Variants in PLA2G7 observed in about 807,000 individuals in gnomAD.
The protein encoded by PLA2G7 is phospholipase A2 group VII, also known as platelet-activating factor acetylhydrolase.
PLA2G7 carries 63 observed loss-of-function variants against 49.6 expected under a neutral mutation model. That is an observed-to-expected ratio of 1.27 (90% CI 1.04 to 1.57). The LOEUF (loss-of-function observed/expected upper bound fraction) is 1.57. Ranked by LOEUF, PLA2G7 falls within the 40% of genes most tolerant of loss-of-function variation. The probability of loss-of-function intolerance (pLI) is 0.00; values close to 1 mark genes in which losing one functional copy is unlikely to be tolerated. For missense variants in PLA2G7, 596 were observed against 521.2 expected (o/e 1.14, Z -1.40); for synonymous variants, 193 against 169.9 (o/e 1.14, Z -1.06).
In PLA2G7 at chr6:46,722,833, T is replaced by A; in HGVS notation, c.59A>T (p.Tyr20Phe). Residue 20 changes from tyrosine (Y) to phenylalanine (F), a missense_variant, in exon 2 of 12, where the codon TAT becomes TTT. By Grantham distance (22) the Tyr-to-Phe change is conservative. Coordinates refer to ENST00000274793, the MANE Select transcript of PLA2G7 (RefSeq NM_005084.4). ...ATTTATGTATTGCCAGTCAAAAGGA[T>A]AAACCACAGCCAGGCAGCCGCAGAG... ...FCLCGCLAVV[Y>F]PFDWQYINPV... is the part of the protein sequence containing the mutation. 1 of 1,613,946 alleles carries A rather than the reference T, an allele frequency of 6.2e-7. No homozygotes were observed. Among genetic ancestry groups the A allele is most frequent in the Non-Finnish European group, 8.5e-7 (1 of 1,179,864 alleles).
chr6:46,714,804 C>T (rs1324409287), intron 4 of PLA2G7, among the ~76,000 whole-genome samples: 6 of 148,170 alleles, frequency 4.0e-5, no homozygotes, highest in African/African-American at 1.0e-4. Context: ...GGCACAATCT[C>T]GGCTCACTGC....
At chr6:46,709,571 A>G (rs1048517666) in intron 8 of PLA2G7, among the ~76,000 whole-genome samples, 153 bp from the exon 9 acceptor site, 1 of 152,244 alleles carries the variant, frequency 6.6e-6, no homozygotes, top group Non-Finnish European at 1.5e-5. Context: ...ACATTTATAC[A>G]TACCATACAC....
chr6:46,728,760 T>C (rs1765643908), intron 1 of PLA2G7, among the ~76,000 whole-genome samples: 1 of 152,228 alleles, frequency 6.6e-6, no homozygotes, highest in Non-Finnish European at 1.5e-5. Context: ...AGAGTAAGAG[T>C]AACTGGATCT....
rs200057649 is a variant in PLA2G7, at chr6:46,710,655, G to A, written c.667C>T (p.Arg223Trp). The A allele has an allele frequency of 6.6e-5, 106 of 1,597,026 alleles. No individual in the cohort carries two copies. Among genetic ancestry groups the A allele is most frequent in the East Asian group, 3.1e-4 (14 of 44,790 alleles). The change falls in exon 8 of 12, where the codon CGG becomes TGG. Residue 223 changes from arginine (R) to tryptophan (W), a missense_variant. Transcript: ENST00000274793. ...TGGGAACATTCTTTTGCTCTTTGCCGTACCTAATATAATTATTAGAAGAAG... is the reference window on the plus strand; with the variant it reads ...TGGGAACATTCTTTTGCTCTTTGCCATACCTAATATAATTATTAGAAGAAG... ...EETHIRNEQV[R>W]QRAKECSQAL...
intron 1 of PLA2G7, among the ~76,000 whole-genome samples, chr6:46,731,408 C>A (rs539799626): frequency 2.0e-5 from 3 of 152,214 alleles, no homozygotes; most frequent in Non-Finnish European, 4.4e-5. Context: ...TGCATGACCA[C>A]AGCCAGGACA....
chr6:46,730,504 G>C (rs1033585478), intron 1 of PLA2G7, among the ~76,000 whole-genome samples: 4 of 152,162 alleles, frequency 2.6e-5, no homozygotes, highest in Admixed American at 2.0e-4. Context: ...GGGCCAGACA[G>C]GTAATTTAAA....
At chr6:46,711,427 A>C (rs1174619823) in intron 7 of PLA2G7, 69 bp downstream of exon 7, 1 of 1,571,784 alleles carries the variant, frequency 6.4e-7, no homozygotes, top group Non-Finnish European at 8.8e-7. Context: ...GTAAAATTAA[A>C]TTAACAAATG....
At chr6:46,726,108 C>A (rs1433319860) in intron 1 of PLA2G7, among the ~76,000 whole-genome samples, 1 of 152,204 alleles carries the variant, frequency 6.6e-6, no homozygotes, top group Non-Finnish European at 1.5e-5. Context: ...TCTGTCTGTG[C>A]AGCATTCCTT....
intron 1 of PLA2G7, among the ~76,000 whole-genome samples, chr6:46,730,562 C>G (rs1181820781): frequency 2.0e-5 from 3 of 152,078 alleles, no homozygotes; most frequent in African/African-American, 7.2e-5. Context: ...CGTGAACTGT[C>G]CTTATTCTAT....
At chr6:46,726,608 C>T (rs905662432) in intron 1 of PLA2G7, among the ~76,000 whole-genome samples, 6 of 152,056 alleles carry the variant, frequency 3.9e-5, no homozygotes, top group African/African-American at 1.4e-4. Context: ...GTATGAAAAT[C>T]TATTACCATA....
chr6:46,722,679 T>A (rs1765437669), intron 2 of PLA2G7, 104 bp downstream of exon 2: 4 of 737,236 alleles, frequency 5.4e-6, no homozygotes, highest in Non-Finnish European at 9.9e-6. Flanking sequence ...CATAAGCCTT[T>A]AAATAGGACT....
intron 1 of PLA2G7, among the ~76,000 whole-genome samples, chr6:46,725,831 G>T (rs1400085763): frequency 3.9e-5 from 6 of 152,082 alleles, no homozygotes; most frequent in African/African-American, 1.4e-4. Context: ...GGGGCCAAGG[G>T]GGCCACGGGT....
At position 46,734,413 on chromosome 6, in the gene PLA2G7, TGTGAGAGAGAGAGAGAGA is replaced by T. The variant is rs1765831837; in HGVS notation, c.-35+749_-35+766del. Among the ~76,000 whole-genome samples, 4 of 56,710 alleles carry T rather than the reference TGTGAGAGAGAGAGAGAGA, an allele frequency of 7.1e-5. No individual in the cohort carries two copies. In the East Asian group the frequency reaches 1.1e-3, roughly 16 times the overall value. 37.2% of individuals were successfully genotyped at this position (56,710 alleles called of 152,430 possible). A position where few individuals can be genotyped will look rare whatever the true frequency, so the allele number is the denominator to read the frequency against. On this transcript the variant is annotated intron_variant, in intron 1 of 11. Transcript: ENST00000274793. The stretch of plus-strand genomic sequence containing the variant: ...AGAGGTGTGTAGTGGTGTGTGTGTG[TGTGAGAGAGAGAGAGAGA>T]GAGAGAGAGAGAGAGAGAGAGAGAG...
Position 46,704,213 on chromosome 6 carries a change from T to G in PLA2G7, c.*347A>C, listed in dbSNP as rs76447483. 616 of 253,462 alleles carry G rather than the reference T, an allele frequency of 2.4e-3. 4 individuals carry two copies. The highest frequency in any genetic ancestry group is 0.013 in the African/African-American group (570 of 44,088). 15.7% of individuals were successfully genotyped at this position (253,462 alleles called of 1,614,324 possible). On this transcript the variant is annotated 3_prime_UTR_variant, in exon 12 of 12. Transcript: ENST00000274793. ...TCATTGCAACAGGTTTTCACTGGGA[T>G]TTTGCCTGTTTTAATCTACTTGTCT...
At position 46,716,499 on chromosome 6, in the gene PLA2G7, G is replaced by A. The variant is rs1765206934; in HGVS notation, c.261C>T (p.Ser87=). The A allele has an allele frequency of 6.2e-7, 1 of 1,613,488 alleles. No homozygotes were observed. Among genetic ancestry groups the A allele is most frequent in the Non-Finnish European group, 8.5e-7 (1 of 1,179,530 alleles). ...GGGTGTCAAGGCGATCATTATCTTGGGATGGATAATATAAACGCAAGAAGG... is the reference window on the plus strand; with the variant it reads ...GGGTGTCAAGGCGATCATTATCTTGAGATGGATAATATAAACGCAAGAAGG... The part of the protein sequence containing the change: ...KGTFLRLYYP[S]QDNDRLDTLW... Residue 87 remains serine, a synonymous_variant, in exon 4 of 12, where the codon TCC becomes TCT. Coordinates refer to ENST00000274793, the MANE Select transcript of PLA2G7 (RefSeq NM_005084.4).
intron 2 of PLA2G7, among the ~76,000 whole-genome samples, chr6:46,720,863 T>C (rs554990020): frequency 6.6e-6 from 1 of 152,356 alleles, no homozygotes; most frequent in East Asian, 1.9e-4. Context: ...TACACTCTTA[T>C]ATGGCTTTAT....
At chr6:46,711,682 T>C (rs1205510761) in intron 6 of PLA2G7, 63 bp from the exon 7 acceptor site, 1 of 1,554,334 alleles carries the variant, frequency 6.4e-7, no homozygotes, top group African/African-American at 1.4e-5. Context: ...GACCCATGTT[T>C]CTCAGTTCCA....
At chr6:46,729,292 G>A (rs1423399948) in intron 1 of PLA2G7, among the ~76,000 whole-genome samples, 5 of 151,954 alleles carry the variant, frequency 3.3e-5, no homozygotes, top group Non-Finnish European at 7.4e-5. Context: ...AAATGATAAT[G>A]GGGACCATAG....
At chr6:46,723,421 CCTA>C (rs900131061) in intron 1 of PLA2G7, among the ~76,000 whole-genome samples, 23 of 152,168 alleles carry the variant, frequency 1.5e-4, no homozygotes, top group African/African-American at 5.5e-4. Flanking sequence ...TTTCTATAAT[CCTA>C]CTATGATATA....
Sources: gnomAD v4.1 joint callset for allele counts (sites outside exome capture counted in the v4.1 genomes callset) on GRCh38, gnomAD v4.1.1 for gene constraint, MANE v1.5 for transcripts, NCBI Gene and HGNC (gene_info 2026-07-23, HGNC 2026-07-21) for gene names.